Variants in DRC8 observed in about 807,000 individuals in gnomAD.
DRC8 encodes dynein regulatory complex subunit 8.
the DRC8 span, among the ~76,000 whole-genome samples, chr1:245,052,870 C>T: frequency 6.6e-6 from 1 of 152,246 alleles, no homozygotes; most frequent in African/African-American, 2.4e-5. Flanking sequence ...CATTCACTCT[C>T]AGCAGAGGAC....
At chr1:245,112,960 G>A in the DRC8 span, among the ~76,000 whole-genome samples, 1 of 152,008 alleles carries the variant, frequency 6.6e-6, no homozygotes, top group Non-Finnish European at 1.5e-5. Context: ...CACCATGTTG[G>A]CCAGGTTGGT....
the DRC8 span, among the ~76,000 whole-genome samples, chr1:245,120,147 G>A: frequency 1.3e-5 from 2 of 152,184 alleles, no homozygotes; most frequent in East Asian, 1.9e-4. Flanking sequence ...AAGGTATGAA[G>A]GCTCATAGAG....
chr1:245,046,181 C>T, the DRC8 span, among the ~76,000 whole-genome samples: 1 of 151,930 alleles, frequency 6.6e-6, no homozygotes, highest in Non-Finnish European at 1.5e-5. Flanking sequence ...TTTCTAGTTC[C>T]TGTCTAATGT....
chr1:245,114,558 C>T, the DRC8 span, among the ~76,000 whole-genome samples: 1 of 152,068 alleles, frequency 6.6e-6, no homozygotes, highest in East Asian at 1.9e-4. Flanking sequence ...AAGTGGTTGG[C>T]CAGCAGCCGG....
chr1:244,974,587 T>C, the DRC8 span, among the ~76,000 whole-genome samples: 1 of 152,222 alleles, frequency 6.6e-6, no homozygotes. Flanking sequence ...TTTGGAAATA[T>C]AAAGTAAAAA....
chr1:244,974,636 T>G, the DRC8 span, among the ~76,000 whole-genome samples: 1 of 152,148 alleles, frequency 6.6e-6, no homozygotes, highest in African/African-American at 2.4e-5. Flanking sequence ...TAAAAAGGGT[T>G]CCCTTAAATA....
At chr1:245,083,669 C>T in the DRC8 span, 1 of 1,610,452 alleles carries the variant, frequency 6.2e-7, no homozygotes, top group Non-Finnish European at 8.5e-7. Context: ...ACGAGCTGAT[C>T]AAGTATATGA....
the DRC8 span, chr1:245,030,646 CT>C: frequency 6.6e-6 from 1 of 152,228 alleles, no homozygotes. Flanking sequence ...TTTATTTCTT[CT>C]TTTCCAGATT....
At chr1:245,083,540 T>C in the DRC8 span, 33 of 1,581,350 alleles carry the variant, frequency 2.1e-5, no homozygotes, top group Non-Finnish European at 2.7e-5. Context: ...TTTATTTACA[T>C]ACACACATAT....
chr1:245,115,327 C>T, the DRC8 span, among the ~76,000 whole-genome samples: 3 of 152,186 alleles, frequency 2.0e-5, no homozygotes, highest in Non-Finnish European at 2.9e-5. Context: ...GGATTACAGG[C>T]GTGAGCCACC....
the DRC8 span, among the ~76,000 whole-genome samples, chr1:245,077,855 G>A: frequency 6.6e-6 from 1 of 152,052 alleles, no homozygotes; most frequent in Non-Finnish European, 1.5e-5. Context: ...GGCAACAAAA[G>A]CAAAAATAAA....
the DRC8 span, chr1:245,091,641 A>C: frequency 6.6e-6 from 1 of 152,236 alleles, no homozygotes; most frequent in Non-Finnish European, 1.5e-5. Flanking sequence ...TTAGTCTCAT[A>C]GAGTTGGCTT....
At chr1:245,059,038 G>T in the DRC8 span, among the ~76,000 whole-genome samples, 2 of 152,206 alleles carry the variant, frequency 1.3e-5, 1 homozygote, top group African/African-American at 4.8e-5. Context: ...ACAAAACTCT[G>T]CGGTAGACAT....
the DRC8 span, among the ~76,000 whole-genome samples, chr1:245,106,625 G>A: frequency 3.8e-3 from 584 of 152,122 alleles, 2 homozygotes; most frequent in South Asian, 0.015. Flanking sequence ...GTCATTCATC[G>A]ATATGAACTG....
chr1:245,035,927 G>T, the DRC8 span, among the ~76,000 whole-genome samples: 1 of 151,514 alleles, frequency 6.6e-6, no homozygotes, highest in Non-Finnish European at 1.5e-5. Flanking sequence ...AGCTAAAATC[G>T]TAAGACCCTT....
At chr1:245,090,643 C>T in the DRC8 span, among the ~76,000 whole-genome samples, 5 of 151,834 alleles carry the variant, frequency 3.3e-5, no homozygotes, top group Middle Eastern at 3.4e-3. Context: ...AAAACTCCCA[C>T]GTGTCAGAGG....
chr1:244,979,543 T>C, the DRC8 span, among the ~76,000 whole-genome samples: 3 of 151,838 alleles, frequency 2.0e-5, no homozygotes, highest in Non-Finnish European at 4.4e-5. Context: ...TGACCTCAAA[T>C]GATCCGCCTG....
the DRC8 span, among the ~76,000 whole-genome samples, chr1:245,040,070 T>G: frequency 2.0e-5 from 3 of 152,230 alleles, no homozygotes; most frequent in Non-Finnish European, 4.4e-5. Flanking sequence ...TAGCATCCGT[T>G]GGTCAATCTT....
At chr1:245,008,507 T>A in the DRC8 span, among the ~76,000 whole-genome samples, 1 of 152,112 alleles carries the variant, frequency 6.6e-6, no homozygotes, top group South Asian at 2.1e-4. Context: ...TTCCTGATTT[T>A]AAAAAATCTT....
Sources: gnomAD v4.1 joint callset for allele counts (sites outside exome capture counted in the v4.1 genomes callset) on GRCh38, gnomAD v4.1.1 for gene constraint, MANE v1.5 for transcripts, NCBI Gene and HGNC (gene_info 2026-07-23, HGNC 2026-07-21) for gene names.